Variants in LDB2 observed in about 807,000 individuals in gnomAD.
LDB2 encodes the protein LIM domain binding 2.
Under a neutral mutation model 44.3 loss-of-function variants are expected in LDB2, and 12 were observed. That is an observed-to-expected ratio of 0.27 (90% CI 0.17 to 0.44). The LOEUF is 0.44. Among genes scored for constraint, LDB2 ranks in the 20% least tolerant of loss-of-function variants. The pLI is 1.00. For synonymous variants in LDB2, 164 were observed against 174.8 expected, an observed-to-expected ratio of 0.94 and a Z score of 0.49; for missense variants, 344 against 473.5, an observed-to-expected ratio of 0.73 and a Z score of 2.54.
intron 1 of LDB2, among the ~76,000 whole-genome samples, chr4:16,829,779 G>A (rs1438047227): frequency 6.6e-6 from 1 of 152,164 alleles, no homozygotes; most frequent in Non-Finnish European, 1.5e-5. Flanking sequence ...ATGCCTAGGA[G>A]AACTAGATGA....
At chr4:16,634,726 A>G (rs902002331) in intron 2 of LDB2, among the ~76,000 whole-genome samples, 6 of 152,234 alleles carry the variant, frequency 3.9e-5, no homozygotes, top group Non-Finnish European at 5.9e-5. Flanking sequence ...CGTGGAAGAC[A>G]GTGTGGCAAT....
At chr4:16,880,542 G>A (rs1719751271) in intron 1 of LDB2, among the ~76,000 whole-genome samples, 1 of 152,162 alleles carries the variant, frequency 6.6e-6, no homozygotes, top group African/African-American at 2.4e-5. Flanking sequence ...CTTATAGTTA[G>A]TTGCCTCTCC....
In LDB2 at chr4:16,802,146, C is replaced by A. The variant is rs78029499; in HGVS notation, c.133-42886G>T. ...CCCCACCCATCCCCATCACCAACTG[C>A]CCCATCTCCACAGTGAGTGGACGCC... is the stretch of plus-strand genomic sequence containing the variant. On this transcript the variant is annotated intron_variant, in intron 1 of 7. Transcript: ENST00000304523. Among the ~76,000 whole-genome samples, 51 of 152,294 alleles carry A rather than the reference C, an allele frequency of 3.3e-4. No homozygotes were observed. In the East Asian group the frequency reaches 9.1e-3, roughly 27 times the overall value.
chr4:16,641,338 A>G (rs1212007248), intron 2 of LDB2, among the ~76,000 whole-genome samples: 1 of 152,192 alleles, frequency 6.6e-6, no homozygotes, highest in African/African-American at 2.4e-5. Context: ...GAAAGAAAGC[A>G]AAGGGGAAGT....
At chr4:16,773,795 T>C (rs1771237223) in intron 1 of LDB2, among the ~76,000 whole-genome samples, 1 of 151,814 alleles carries the variant, frequency 6.6e-6, no homozygotes, top group Non-Finnish European at 1.5e-5. Flanking sequence ...AGTGCAGTGG[T>C]GTGGTCATAG....
At chr4:16,880,503 A>G (rs1719739287) in intron 1 of LDB2, among the ~76,000 whole-genome samples, 3 of 152,152 alleles carry the variant, frequency 2.0e-5, no homozygotes, top group Admixed American at 2.0e-4. Flanking sequence ...GTGCCTGAAA[A>G]GAGAGGAACA....
intron 1 of LDB2, among the ~76,000 whole-genome samples, chr4:16,779,672 C>T (rs933899139): frequency 3.9e-5 from 6 of 152,160 alleles, no homozygotes; most frequent in African/African-American, 1.4e-4. Context: ...GGTAAACCAG[C>T]CCTAATGCTG....
chr4:16,822,823 C>T (rs550744467), intron 1 of LDB2, among the ~76,000 whole-genome samples: 85 of 152,262 alleles, frequency 5.6e-4, no homozygotes, highest in African/African-American at 1.9e-3. Flanking sequence ...ACCACGTGCT[C>T]TTATATTAAC....
intron 1 of LDB2, among the ~76,000 whole-genome samples, chr4:16,848,394 G>A (rs955984224): frequency 1.4e-4 from 21 of 152,136 alleles, no homozygotes; most frequent in African/African-American, 4.6e-4. Context: ...CAAAAATCTT[G>A]AGTATTCACA....
intron 5 of LDB2, among the ~76,000 whole-genome samples, chr4:16,553,194 G>T (rs147757481): frequency 6.6e-6 from 1 of 152,224 alleles, no homozygotes; most frequent in Non-Finnish European, 1.5e-5. Flanking sequence ...TTGCTCTGTC[G>T]CCTAGGCTGG....
intron 2 of LDB2, among the ~76,000 whole-genome samples, chr4:16,638,606 G>T (rs932572816): frequency 6.6e-6 from 1 of 152,150 alleles, no homozygotes; most frequent in Non-Finnish European, 1.5e-5. Context: ...TAATTAATTT[G>T]TATTGCTTCT....
intron 2 of LDB2, among the ~76,000 whole-genome samples, chr4:16,625,479 T>C (rs1730034653): frequency 6.6e-6 from 1 of 152,180 alleles, no homozygotes; most frequent in African/African-American, 2.4e-5. Flanking sequence ...CTTCAAACTG[T>C]CTGACTCATT....
intron 2 of LDB2, among the ~76,000 whole-genome samples, chr4:16,712,384 T>A (rs560133317): frequency 2.6e-5 from 4 of 152,112 alleles, no homozygotes; most frequent in African/African-American, 9.6e-5. Flanking sequence ...AAACCCCGTC[T>A]CTACTAAAAA....
intron 5 of LDB2, among the ~76,000 whole-genome samples, chr4:16,532,678 C>G (rs927323238): frequency 6.6e-6 from 1 of 152,042 alleles, no homozygotes; most frequent in African/African-American, 2.4e-5. Context: ...GCTTTTTTCC[C>G]CCATTACCCT....
intron 5 of LDB2, among the ~76,000 whole-genome samples, chr4:16,524,235 A>G (rs1727370163): frequency 2.0e-5 from 3 of 152,198 alleles, no homozygotes; most frequent in South Asian, 4.1e-4. Flanking sequence ...TCGGGATGCA[A>G]TGGTGAACAC....
chr4:16,766,625 C>T (rs1484910262), intron 1 of LDB2, among the ~76,000 whole-genome samples: 1 of 151,606 alleles, frequency 6.6e-6, no homozygotes, highest in African/African-American at 2.4e-5. Flanking sequence ...CCTGCCTCAG[C>T]CACGCGAGTA....
intron 1 of LDB2, among the ~76,000 whole-genome samples, chr4:16,859,833 T>A (rs1711895423): frequency 6.6e-6 from 1 of 152,362 alleles, no homozygotes. Flanking sequence ...ACAGCAGTGA[T>A]ACAGATAATT....
At chr4:16,575,228 G>A (rs6840681) in intron 5 of LDB2, among the ~76,000 whole-genome samples, 2,085 of 152,244 alleles carry the variant, frequency 0.014, 33 homozygotes, top group South Asian at 0.059. Context: ...GAAATTGTAC[G>A]TAACCTGATT....
intron 2 of LDB2, among the ~76,000 whole-genome samples, chr4:16,712,105 T>C (rs1478840241): frequency 6.6e-6 from 1 of 152,058 alleles, no homozygotes; most frequent in Admixed American, 6.6e-5. Flanking sequence ...TCAAGAGAGA[T>C]CCTGAAGGAA....
Sources: gnomAD v4.1 joint callset for allele counts (sites outside exome capture counted in the v4.1 genomes callset) on GRCh38, gnomAD v4.1.1 for gene constraint, MANE v1.5 for transcripts, NCBI Gene and HGNC (gene_info 2026-07-23, HGNC 2026-07-21) for gene names.